Variants in PON2 observed in about 807,000 individuals in gnomAD.
The protein encoded by PON2 is paraoxonase 2, also known as serum paraoxonase/arylesterase 2.
Under a neutral mutation model 36.6 loss-of-function variants are expected in PON2, and 27 were observed. The observed-to-expected ratio is 0.74, with a 90% CI of 0.54 to 1.02. The LOEUF is 1.02. PON2 is among the 50% of genes least tolerant of loss of function. The pLI is 0.00. For missense variants in PON2, 363 were observed against 421.1 expected, an observed-to-expected ratio of 0.86 and a Z score of 1.21; for synonymous variants, 149 against 156.3, an observed-to-expected ratio of 0.95 and a Z score of 0.35.
chr7:95,408,953 C>T (rs1243541245), intron 6 of PON2, among the ~76,000 whole-genome samples: 1 of 152,108 alleles, frequency 6.6e-6, no homozygotes, highest in Non-Finnish European at 1.5e-5. Context: ...TAGCCAGTGC[C>T]CTGGGTGGGA....
At chr7:95,421,495 A>G (rs1202625580) in intron 2 of PON2, among the ~76,000 whole-genome samples, 1 of 152,224 alleles carries the variant, frequency 6.6e-6, no homozygotes, top group Non-Finnish European at 1.5e-5. Flanking sequence ...CTGAGTGACC[A>G]GTTCTGAGAG....
In PON2 at chr7:95,411,768, A is replaced by C; in HGVS notation, c.379T>G (p.Tyr127Asp). ...STFIDNDDTV[Y>D]LFVVNHPEFK... ...TCTGGGTGGTTTACAACAAAGAGATAAACTGTGTCATCTAAAGAATTGAAA... is the reference window on the plus strand; with the variant it reads ...TCTGGGTGGTTTACAACAAAGAGATCAACTGTGTCATCTAAAGAATTGAAA... Residue 127 changes from tyrosine (Y) to aspartate (D), a missense_variant, in exon 5 of 9, where the codon TAT becomes GAT. Physicochemically the swap from Tyr to Asp is radical, Grantham distance 160. Transcript: ENST00000222572. 1 of 1,613,692 alleles carries C rather than the reference A, an allele frequency of 6.2e-7. No homozygotes were observed. The highest frequency in any genetic ancestry group is 8.5e-7 in the Non-Finnish European group (1 of 1,179,700).
chr7:95,417,263 G>A (rs1259128679), intron 2 of PON2, among the ~76,000 whole-genome samples: 1 of 152,136 alleles, frequency 6.6e-6, no homozygotes, highest in Non-Finnish European at 1.5e-5. Context: ...GTTGCCTCCA[G>A]TGTTGCTTGC....
At chr7:95,432,295 A>G (rs1312904142) in intron 1 of PON2, among the ~76,000 whole-genome samples, 2 of 152,148 alleles carry the variant, frequency 1.3e-5, no homozygotes, top group Non-Finnish European at 2.9e-5. Context: ...CTGTAGTCCC[A>G]GCTACTCAGG....
chr7:95,406,858 A>C, intron 7 of PON2, 129 bp downstream of exon 7: 4 of 611,296 alleles, frequency 6.5e-6, no homozygotes, highest in Middle Eastern at 4.5e-4. Context: ...AGTTGTAGGG[A>C]GTATTTAAAA....
intron 2 of PON2, among the ~76,000 whole-genome samples, chr7:95,416,884 C>A (rs1054906368): frequency 1.3e-5 from 2 of 152,002 alleles, no homozygotes; most frequent in African/African-American, 4.8e-5. Context: ...TGAAAAATAC[C>A]ATGCACCTAA....
Position 95,411,649 on chromosome 7 carries a change from G to A in PON2, c.494+4C>T, listed in dbSNP as rs1006560392. ...ATTAGAGAAGGAACAAAATGAGGAA[G>A]TACCTTGGAAGAAGCTCATGTTTGA... On this transcript the variant is annotated splice_donor_region_variant and intron_variant, in intron 5 of 8. Coordinates refer to ENST00000222572, the MANE Select transcript of PON2 (RefSeq NM_000305.3). 1 of 1,613,812 alleles carries A rather than the reference G, an allele frequency of 6.2e-7. No homozygotes were observed. Among genetic ancestry groups the A allele is most frequent in the Non-Finnish European group, 8.5e-7 (1 of 1,179,884 alleles).
intron 1 of PON2, among the ~76,000 whole-genome samples, chr7:95,427,765 TG>T (rs1320454904): frequency 1.3e-5 from 2 of 152,198 alleles, no homozygotes; most frequent in African/African-American, 4.8e-5. Context: ...ATATGTTACT[TG>T]TGGCTGGAAG....
chr7:95,413,098 G>C (rs1261388200), intron 3 of PON2: 1 of 104,156 alleles, frequency 9.6e-6, no homozygotes, highest in Non-Finnish European at 1.7e-5. Context: ...GGGCAACATA[G>C]CAAGACTCTG....
In PON2 at chr7:95,406,987, C is replaced by T. The variant is rs1318345687; in HGVS notation, c.777G>A (p.Lys259=). The T allele has an allele frequency of 6.6e-7, 1 of 1,513,804 alleles. No individual in the cohort carries two copies. Among genetic ancestry groups the T allele is most frequent in the Middle Eastern group, 1.8e-4 (1 of 5,708 alleles). 93.8% of individuals were successfully genotyped at this position (1,513,804 alleles called of 1,614,324 possible). The change falls in exon 7 of 9, where the codon AAG becomes AAA. Residue 259 remains lysine, a splice_region_variant and synonymous_variant. Transcript: ENST00000222572. The part of the protein sequence containing the change: ...KHTNMNLTQL[K]VLELDTLVDN... ...CTATATGTAAAAATAAATATTTTAC[C>T]TTCAACTGAGTTAAATTCATATTAG...
chr7:95,416,695 CTCAT>C (rs1434436446), intron 2 of PON2, among the ~76,000 whole-genome samples: 3 of 152,194 alleles, frequency 2.0e-5, no homozygotes, highest in Admixed American at 2.0e-4. Context: ...CTCTTCTTTG[CTCAT>C]TCAATCTGAA....
intron 2 of PON2, among the ~76,000 whole-genome samples, chr7:95,423,011 C>T (rs1354119012): frequency 3.3e-5 from 5 of 152,156 alleles, no homozygotes; most frequent in Admixed American, 2.6e-4. Context: ...TCTAATCATA[C>T]CATGAACCAT....
At chr7:95,433,361 C>A (rs1789486505) in intron 1 of PON2, among the ~76,000 whole-genome samples, 1 of 152,120 alleles carries the variant, frequency 6.6e-6, no homozygotes, top group Non-Finnish European at 1.5e-5. Context: ...AGGCCTCCAA[C>A]AGTGCTGGGA....
At chr7:95,430,949 C>A (rs1442476655) in intron 1 of PON2, among the ~76,000 whole-genome samples, 2 of 149,592 alleles carry the variant, frequency 1.3e-5, no homozygotes, top group Non-Finnish European at 3.0e-5. Flanking sequence ...TAGAAACAGA[C>A]CACATAGCTT....
intron 1 of PON2, among the ~76,000 whole-genome samples, chr7:95,429,476 T>C (rs1165381924): frequency 6.6e-6 from 1 of 152,168 alleles, no homozygotes; most frequent in African/African-American, 2.4e-5. Flanking sequence ...CTATTGTGAA[T>C]AGAAAGCATG....
intron 2 of PON2, 57 bp from the exon 3 acceptor site, chr7:95,416,354 G>A: frequency 1.3e-6 from 2 of 1,565,426 alleles, no homozygotes; most frequent in Non-Finnish European, 1.8e-6. Flanking sequence ...TTGTTACACA[G>A]AGCATAACTG....
intron 2 of PON2, among the ~76,000 whole-genome samples, chr7:95,417,727 C>CACACACACACACACACACT (rs1562788872): frequency 8.6e-4 from 69 of 80,262 alleles, no homozygotes; most frequent in African/African-American, 3.1e-3. Context: ...ACACACACAC[C>CACACACACACACACACACT]GAGAGAGAAT....
intron 1 of PON2, among the ~76,000 whole-genome samples, chr7:95,426,203 T>C (rs975348159): frequency 1.4e-4 from 21 of 152,124 alleles, no homozygotes; most frequent in African/African-American, 4.8e-4. Context: ...TCAGACAATA[T>C]ACCCATGTAA....
chr7:95,407,195 G>A, intron 6 of PON2, 127 bp from the exon 7 acceptor site: 1 of 589,920 alleles, frequency 1.7e-6, no homozygotes, highest in East Asian at 2.9e-5. Flanking sequence ...AGGAATGCTT[G>A]ATAAAGGTCA....
Sources: gnomAD v4.1 joint callset for allele counts (sites outside exome capture counted in the v4.1 genomes callset) on GRCh38, gnomAD v4.1.1 for gene constraint, MANE v1.5 for transcripts, NCBI Gene and HGNC (gene_info 2026-07-23, HGNC 2026-07-21) for gene names.